Variants in KCNIP4 observed in about 807,000 individuals in gnomAD.
The protein encoded by KCNIP4 is Kv channel-interacting protein 4.
Under a neutral mutation model 34.0 loss-of-function variants are expected in KCNIP4, and 12 were observed. The ratio of observed to expected loss-of-function variants is 0.35; its 90% confidence interval spans 0.23 to 0.57. The LOEUF is 0.57. Among genes scored for constraint, KCNIP4 ranks in the 20% least tolerant of loss-of-function variants. The probability of loss-of-function intolerance (pLI) is 0.83; values close to 1 mark genes in which losing one functional copy is unlikely to be tolerated. For missense variants in KCNIP4, 238 were observed against 311.7 expected (o/e 0.76, Z 1.78); for synonymous variants, 124 against 102.2 (o/e 1.21, Z -1.29).
chr4:21,694,936 AT>A (rs1340496633), intron 1 of KCNIP4, among the ~76,000 whole-genome samples: 11,845 of 120,236 alleles, frequency 0.099, 1,772 homozygotes, highest in African/African-American at 0.31. Context: ...AAAAATAAAA[AT>A]AAATAAATAA....
At chr4:21,650,285 G>A (rs1747381635) in intron 1 of KCNIP4, among the ~76,000 whole-genome samples, 1 of 152,182 alleles carries the variant, frequency 6.6e-6, no homozygotes, top group Non-Finnish European at 1.5e-5. Flanking sequence ...CCTTGTTCCA[G>A]TGAACTGTGA....
chr4:21,651,860 TA>T lies in KCNIP4; in HGVS notation c.61+296710del, dbSNP rs779064669. The stretch of plus-strand genomic sequence containing the variant: ...CATTTTATGTATATAGAGCTACAGA[TA>T]TATACATCTATGTATATATATAGCT... On this transcript the variant is annotated intron_variant, in intron 1 of 8. Transcript: ENST00000382152. Among the ~76,000 whole-genome samples, 5 of 152,176 alleles carry T rather than the reference TA, an allele frequency of 3.3e-5. No homozygotes were observed. The East Asian group carries it at 7.7e-4, about 23-fold the overall frequency.
At chr4:21,313,146 A>C (rs192874169) in intron 1 of KCNIP4, among the ~76,000 whole-genome samples, 32 of 152,348 alleles carry the variant, frequency 2.1e-4, no homozygotes, top group African/African-American at 7.2e-4. Context: ...TTATGAACTC[A>C]TGTAAGATGC....
At chr4:21,169,291 T>G (rs930514335) in intron 1 of KCNIP4, among the ~76,000 whole-genome samples, 4 of 151,996 alleles carry the variant, frequency 2.6e-5, no homozygotes, top group African/African-American at 9.7e-5. Context: ...TAGCGAGGAC[T>G]GTAGGTTGGC....
chr4:20,857,094 C>T (rs2149490551), intron 2 of KCNIP4, among the ~76,000 whole-genome samples: 1 of 150,818 alleles, frequency 6.6e-6, no homozygotes, highest in South Asian at 2.1e-4. Flanking sequence ...GGCTCTCTTG[C>T]TTTTCCAGCT....
intron 3 of KCNIP4, among the ~76,000 whole-genome samples, chr4:20,765,324 A>G (rs1755301943): frequency 6.6e-6 from 1 of 151,924 alleles, no homozygotes; most frequent in South Asian, 2.1e-4. Context: ...CATCTGTGGA[A>G]ATCCTTCTTC....
chr4:21,779,121 G>GA lies in KCNIP4; in HGVS notation c.61+169449dup, dbSNP rs1383447280. ...CTACCATAAGGGATTCCACTGTGAT[G>GA]AAAAAAAAAGTATCTTGTTTCCTCA... On this transcript the variant is annotated intron_variant, in intron 1 of 8. Coordinates refer to ENST00000382152, the MANE Select transcript of KCNIP4 (RefSeq NM_025221.6). Among the ~76,000 whole-genome samples, 6 of 150,106 alleles carry GA rather than the reference G, an allele frequency of 4.0e-5. No homozygotes were observed. In the East Asian group the frequency reaches 5.8e-4, roughly 15 times the overall value.
At chr4:21,619,306 C>T (rs1029197167) in intron 1 of KCNIP4, among the ~76,000 whole-genome samples, 1 of 152,182 alleles carries the variant, frequency 6.6e-6, no homozygotes, top group Non-Finnish European at 1.5e-5. Flanking sequence ...TAATGATTAT[C>T]AACTGAAATA....
At chr4:21,108,296 G>A (rs28762765) in intron 1 of KCNIP4, among the ~76,000 whole-genome samples, 13,389 of 107,704 alleles carry the variant, frequency 0.12, 1,356 homozygotes, top group African/African-American at 0.2. Context: ...GGCTTTGCTC[G>A]TTTCTTTTTA....
chr4:21,132,853 C>CAAAAAAAAAAAAAA (rs71189683), intron 1 of KCNIP4, among the ~76,000 whole-genome samples: 1 of 116,702 alleles, frequency 8.6e-6, no homozygotes. Flanking sequence ...TACTAAACGA[C>CAAAAAAAAAAAAAA]AAAAAAAAAA....
intron 1 of KCNIP4, among the ~76,000 whole-genome samples, chr4:21,001,171 C>T (rs535315087): frequency 7.2e-5 from 11 of 152,138 alleles, no homozygotes; most frequent in African/African-American, 9.7e-5. Flanking sequence ...CATTTACCTT[C>T]ATGAATACAC....
At chr4:21,560,817 T>A (rs992815122) in intron 1 of KCNIP4, among the ~76,000 whole-genome samples, 1 of 152,062 alleles carries the variant, frequency 6.6e-6, no homozygotes, top group Non-Finnish European at 1.5e-5. Flanking sequence ...AAACTTTAAT[T>A]TCTGTAACCC....
At chr4:21,636,301 G>T (rs1192280365) in intron 1 of KCNIP4, among the ~76,000 whole-genome samples, 1 of 138,162 alleles carries the variant, frequency 7.2e-6, no homozygotes, top group Non-Finnish European at 1.6e-5. Flanking sequence ...AAAAAAAAAG[G>T]AAAAAAAAAA....
intron 1 of KCNIP4, among the ~76,000 whole-genome samples, chr4:21,612,377 T>C (rs995335064): frequency 6.6e-6 from 1 of 152,234 alleles, no homozygotes; most frequent in African/African-American, 2.4e-5. Context: ...CTCAGGAGGC[T>C]GAGGCTTGGA....
intron 1 of KCNIP4, among the ~76,000 whole-genome samples, chr4:21,359,211 T>C (rs2109401123): frequency 6.6e-6 from 1 of 152,218 alleles, no homozygotes. Flanking sequence ...CATCTCCTTT[T>C]ATTTTCTACT....
intron 1 of KCNIP4, among the ~76,000 whole-genome samples, chr4:21,019,372 A>G (rs1341943984): frequency 6.6e-6 from 1 of 152,094 alleles, no homozygotes; most frequent in Non-Finnish European, 1.5e-5. Flanking sequence ...TGGCTAGACT[A>G]GTCTTGAACT....
chr4:21,117,297 T>A (rs1749759048), intron 1 of KCNIP4, among the ~76,000 whole-genome samples: 1 of 4,126 alleles, frequency 2.4e-4, no homozygotes, highest in African/African-American at 7.8e-4. Flanking sequence ...TGGCCGGGGT[T>A]GCCGGGGGGG....
chr4:21,343,418 C>T (rs976277496), intron 1 of KCNIP4, among the ~76,000 whole-genome samples: 14 of 152,088 alleles, frequency 9.2e-5, no homozygotes, highest in African/African-American at 2.4e-5. Context: ...ACTATGTCAA[C>T]CTCTACCTTT....
intron 1 of KCNIP4, among the ~76,000 whole-genome samples, chr4:21,938,042 A>G (rs1729967854): frequency 6.6e-6 from 1 of 152,008 alleles, no homozygotes; most frequent in South Asian, 2.1e-4. Context: ...TTCCCACAAA[A>G]CCATACAAAA....
Sources: gnomAD v4.1 joint callset for allele counts (sites outside exome capture counted in the v4.1 genomes callset) on GRCh38, gnomAD v4.1.1 for gene constraint, MANE v1.5 for transcripts, NCBI Gene and HGNC (gene_info 2026-07-23, HGNC 2026-07-21) for gene names.